The following FTCD variants were observed in gnomAD, a reference collection of about 807,000 sequenced individuals.
The protein encoded by FTCD is formimidoyltransferase-cyclodeaminase.
FTCD carries 76 observed loss-of-function variants against 62.9 expected under a neutral mutation model. The ratio of observed to expected loss-of-function variants is 1.21; its 90% CI spans 1.00 to 1.46. The LOEUF is 1.46. Among genes scored for constraint, FTCD ranks in the 40% most tolerant of loss-of-function variants. FTCD has a pLI of 0.00. For missense variants in FTCD, 845 were observed against 751.3 expected (o/e 1.12, Z -1.46); for synonymous variants, 397 against 336.9 (o/e 1.18, Z -1.95).
Position 46,137,391 on chromosome 21 carries a change from G to C in FTCD, c.1444-57C>G, listed in dbSNP as rs577764452. On this transcript the variant is annotated intron_variant, in intron 12 of 13. Coordinates refer to ENST00000397746, the MANE Select transcript of FTCD (RefSeq NM_206965.2). Reference sequence around the variant, plus strand: ...TCAAGGCTGAGCAAACTGCCGGAAGGAGGGTCTCTGCCTGACGGGCTCTGG... The same window carrying C: ...TCAAGGCTGAGCAAACTGCCGGAAGCAGGGTCTCTGCCTGACGGGCTCTGG... 3.0e-3 allele frequency: 3,868 copies of C among 1,309,078 alleles called. 8 individuals carry two copies. The highest frequency in any genetic ancestry group is 3.8e-3 in the Non-Finnish European group (3,424 of 906,998). 81.1% of individuals were successfully genotyped at this position (1,309,078 alleles called of 1,614,324 possible). A position where few individuals can be genotyped will look rare whatever the true frequency, so the allele number is the denominator to read the frequency against.
Position 46,147,940 on chromosome 21 carries a change from CT to C in FTCD, c.907-1614del, listed in dbSNP as rs1404714828. Among the ~76,000 whole-genome samples, 269 of 120,554 alleles carry C rather than the reference CT, an allele frequency of 2.2e-3. 1 individual carries two copies. The highest frequency in any genetic ancestry group is 0.013 in the East Asian group (55 of 4,306). The allele number at this position is 120,554 out of a possible 152,430, so 79.1% of individuals were successfully genotyped here. ...CCTGGGTGACAAAGTGAGGCTCCAT[CT>C]CAAAAAAAAAAAAAAAAAAGAAGAA... On this transcript the variant is annotated intron_variant, in intron 7 of 13. Coordinates refer to ENST00000397746, the MANE Select transcript of FTCD (RefSeq NM_206965.2).
intron 3 of FTCD, 144 bp from the exon 4 acceptor site, chr21:46,152,124 G>A (rs911528565): frequency 2.9e-5 from 18 of 619,548 alleles, no homozygotes; most frequent in Non-Finnish European, 4.8e-5. Flanking sequence ...CCCGTTCTCC[G>A]CCTTGGATGG....
chr21:46,151,892 C>G lies in FTCD; in HGVS notation c.456G>C (p.Lys152Asn), dbSNP rs752890564. ...RAGEYEALPK[K>N]LQQADWAPDF... is the part of the protein sequence containing the mutation. ...GCCCGACCGCCCGGGGTGGGGGCAC[C>G]TTCTTAGGGAGGGCCTCGTACTCCC... is the stretch of plus-strand genomic sequence containing the variant. The change falls in exon 4 of 14, where the codon AAG becomes AAC. Residue 152 changes from lysine (K) to asparagine (N), a missense_variant and splice_region_variant. By Grantham distance (94) the Lys-to-Asn change is moderately conservative (BLOSUM62 0). Transcript: ENST00000397746. 1 of 1,561,018 alleles carries G rather than the reference C, an allele frequency of 6.4e-7. No individual in the cohort carries two copies. Among genetic ancestry groups the G allele is most frequent in the South Asian group, 1.2e-5 (1 of 85,548 alleles).
In FTCD at chr21:46,147,442, G is replaced by A. The variant is rs750583820; in HGVS notation, c.907-1115C>T. On this transcript the variant is annotated intron_variant, in intron 7 of 13. Transcript: ENST00000397746. ...GTCCTGTGAGGCAGTGTCCACAAGC[G>A]CCAGCACAAACCCTCCTTGGAGGAG... 7.9e-5 allele frequency among the ~76,000 whole-genome samples: 12 copies of A among 152,290 alleles called. No homozygotes were observed. In the South Asian group the frequency reaches 1.4e-3, roughly 18 times the overall value.
At chr21:46,146,877 C>T (rs2079159463) in intron 7 of FTCD, 2 of 153,578 alleles carry the variant, frequency 1.3e-5, no homozygotes, top group African/African-American at 4.8e-5. Context: ...GCTATGCGAC[C>T]CCCACCCCAC....
rs140146216 is a variant in FTCD at position 46,148,381 on chromosome 21, T to C, written c.906+1738A>G. On this transcript the variant is annotated intron_variant, in intron 7 of 13. Transcript: ENST00000397746. The stretch of plus-strand genomic sequence containing the variant: ...GTGCACACCTGTCGTCCCAACACTT[T>C]TAGGAGGCTGACGTGAGTGGATTGC... Among the ~76,000 whole-genome samples, 1,230 of 152,224 alleles carry C rather than the reference T, an allele frequency of 8.1e-3. 19 individuals carry two copies. The highest frequency in any genetic ancestry group is 0.029 in the African/African-American group (1,184 of 41,518).
chr21:46,145,382 G>A (rs1256043948), intron 10 of FTCD, 35 bp downstream of exon 10: 3 of 1,507,992 alleles, frequency 2.0e-6, no homozygotes, highest in Non-Finnish European at 2.7e-6. Flanking sequence ...CGCTGTTGGT[G>A]GGGCCCGGGG....
Position 46,152,977 on chromosome 21 carries a change from G to T in FTCD, c.297C>A (p.Val99=). ...DVCPFIPVRG[V]SVDECVLCAQ... ...CGCAGAGCACACACTCATCCACGCT[G>T]ACGCCCCTCACGGGGATGAAGGGGC... The change falls in exon 3 of 14, where the codon GTC becomes GTA. Residue 99 remains valine, a synonymous_variant. Transcript: ENST00000397746. 1 of 1,555,168 alleles carries T rather than the reference G, an allele frequency of 6.4e-7. No homozygotes were observed. Among genetic ancestry groups the T allele is most frequent in the Non-Finnish European group, 8.7e-7 (1 of 1,149,428 alleles).
chr21:46,139,072 T>C (rs921444172), intron 10 of FTCD, 149 bp from the exon 11 acceptor site: 10 of 704,518 alleles, frequency 1.4e-5, no homozygotes, highest in African/African-American at 8.7e-5. Context: ...CAGTGGTTTA[T>C]AGCCCTTAGC....
At chr21:46,154,124 C>T (rs1355703711) in intron 2 of FTCD, 25 bp downstream of exon 2, 1 of 1,609,908 alleles carries the variant, frequency 6.2e-7, no homozygotes, top group East Asian at 2.2e-5. Context: ...GACACGGCAG[C>T]CACAGGAGAG....
In FTCD at chr21:46,137,353, GC is replaced by G. The variant is rs747606616; in HGVS notation, c.1444-20del. On this transcript the variant is annotated intron_variant, in intron 12 of 13. Transcript: ENST00000397746. The stretch of plus-strand genomic sequence containing the variant: ...CCGCCACCTGCAAGGACCCCAGGGA[GC>G]CCCTACATGGATCAAGGCTGAGCAA... 4 of 1,581,190 alleles carry G rather than the reference GC, an allele frequency of 2.5e-6. No individual in the cohort carries two copies. Among genetic ancestry groups the G allele is most frequent in the Non-Finnish European group, 3.5e-6 (4 of 1,151,446 alleles).
At chr21:46,154,412 G>A (rs1308867582) in intron 1 of FTCD, 80 bp from the exon 2 acceptor site, 25 of 1,488,946 alleles carry the variant, frequency 1.7e-5, no homozygotes, top group East Asian at 9.8e-5. Flanking sequence ...GCTGCACCCC[G>A]AGACACAAAT....
At position 46,152,931 on chromosome 21, in the gene FTCD, G is replaced by T. The variant is rs772011871; in HGVS notation, c.343C>A (p.Leu115Met). Reference protein sequence around the residue: ...VLCAQAFGQRLAEELDVPVYL... With the variant: ...VLCAQAFGQRMAEELDVPVYL... ...CCTGGCACGTCCAGCTCCTCTGCCAGCCTCTGGCCAAAGGCCTGGGCGCAG... is the reference window on the plus strand; with the variant it reads ...CCTGGCACGTCCAGCTCCTCTGCCATCCTCTGGCCAAAGGCCTGGGCGCAG... The change falls in exon 3 of 14, where the codon CTG (leucine) becomes ATG (methionine). Residue 115 changes from leucine (L) to methionine (M), a missense_variant. Leu to Met is a conservative substitution (Grantham distance 15, BLOSUM62 2). Transcript: ENST00000397746. The T allele has an allele frequency of 4.5e-6, 7 of 1,567,270 alleles. No individual in the cohort carries two copies. The South Asian group carries it at 7.0e-5, about 16-fold the overall frequency.
intron 12 of FTCD, 37 bp from the exon 13 acceptor site, chr21:46,137,371 G>A (rs2078894375): frequency 6.7e-7 from 1 of 1,502,738 alleles, no homozygotes; most frequent in Admixed American, 1.7e-5. Flanking sequence ...ATGGATCAAG[G>A]CTGAGCAAAC....
rs534705992 is a variant in FTCD, at chr21:46,145,448, T to C, written c.1229A>G (p.Asp410Gly). ...EASAKLTTLV[D>G]ADAEAFTAYL... ...GGCGGTGAAGGCCTCGGCGTCGGCA[T>C]CCACCAGCGTGGTTAGCTTGGCCGA... The change falls in exon 10 of 14, where the codon GAT (aspartate) becomes GGT (glycine). Residue 410 changes from aspartate (D) to glycine (G), a missense_variant. Physicochemically the swap from Asp to Gly is moderately conservative, Grantham distance 94. Coordinates refer to ENST00000397746, the MANE Select transcript of FTCD (RefSeq NM_206965.2). 13 of 1,559,034 alleles carry C rather than the reference T, an allele frequency of 8.3e-6. No individual in the cohort carries two copies. In the South Asian group the frequency reaches 1.1e-4, roughly 13 times the overall value.
rs2079334698 is a variant in FTCD, at chr21:46,153,004, G to C, written c.270C>G (p.Val90=). ...CGCCCCTCACGGGGATGAAGGGGCA[G>C]ACGTCTAGGGCCCCCATGCGGGGGT... ...GEHPRMGALD[V]CPFIPVRGVS... is the part of the protein sequence containing the mutation. Residue 90 remains valine (V), a synonymous_variant, in exon 3 of 14, where the codon GTC becomes GTG. Coordinates refer to ENST00000397746, the MANE Select transcript of FTCD (RefSeq NM_206965.2). 1.9e-6 allele frequency: 3 copies of C among 1,550,326 alleles called. No homozygotes were observed. The highest frequency in any genetic ancestry group is 2.6e-6 in the Non-Finnish European group (3 of 1,147,086).
chr21:46,136,801 A>G lies in FTCD; in HGVS notation c.*186T>C. On this transcript the variant is annotated 3_prime_UTR_variant, in exon 14 of 14. Transcript: ENST00000397746. ...AGGTTTGGTGCCAAAACTTTACTGG[A>G]GGTCACATGGGACTAGGGGCCTTCT... 1.3e-6 allele frequency: 2 copies of G among 1,530,914 alleles called. No individual in the cohort carries two copies. The highest frequency in any genetic ancestry group is 1.8e-6 in the Non-Finnish European group (2 of 1,136,488). 94.8% of individuals were successfully genotyped at this position (1,530,914 alleles called of 1,614,324 possible).
At chr21:46,151,129 C>G (rs915889755) in intron 5 of FTCD, among the ~76,000 whole-genome samples, 3 of 152,190 alleles carry the variant, frequency 2.0e-5, no homozygotes, top group Non-Finnish European at 2.9e-5. Flanking sequence ...GACGCTCAGA[C>G]CGGGTGACCA....
chr21:46,138,187 G>A (rs973126199), intron 12 of FTCD, among the ~76,000 whole-genome samples: 1 of 152,184 alleles, frequency 6.6e-6, no homozygotes, highest in Non-Finnish European at 1.5e-5. Context: ...CATTGTGCCT[G>A]GGCTGACATA....
Sources: allele counts gnomAD v4.1 joint callset (sites outside exome capture counted in the v4.1 genomes callset), GRCh38; gene constraint gnomAD v4.1.1; transcripts MANE v1.5; gene names NCBI Gene and HGNC (gene_info 2026-07-23, HGNC 2026-07-21).